ELOVL2: variants seen among roughly 807,000 people sequenced by gnomAD.
The protein encoded by ELOVL2 is very long chain fatty acid elongase 2.
A neutral mutation model predicts 37.7 loss-of-function variants in ELOVL2; 38 were observed. The observed-to-expected ratio is 1.01, with a 90% CI of 0.78 to 1.32. The LOEUF (loss-of-function observed/expected upper bound fraction) is 1.32, where lower values mean the gene tolerates loss of function less well. Ranked by LOEUF, ELOVL2 falls within the 40% of genes most tolerant of loss-of-function variation. The pLI is 0.00. For synonymous variants in ELOVL2, 115 were observed against 122.3 expected (o/e 0.94, Z 0.40); for missense variants, 352 against 363.6 (o/e 0.97, Z 0.26).
At chr6:10,993,370 A>C (rs185075171) in intron 5 of ELOVL2, among the ~76,000 whole-genome samples, 1 of 152,382 alleles carries the variant, frequency 6.6e-6, no homozygotes, top group Non-Finnish European at 1.5e-5. Context: ...AATGTTAAAC[A>C]GTGTTCTAAA....
intron 4 of ELOVL2, among the ~76,000 whole-genome samples, chr6:10,998,435 CCTCT>C (rs1782312481): frequency 6.6e-6 from 1 of 152,044 alleles, no homozygotes; most frequent in Non-Finnish European, 1.5e-5. Context: ...TAATTCTTTC[CCTCT>C]AATTTTTTTT....
At chr6:11,043,461 C>A in intron 1 of ELOVL2, 1 of 58,356 alleles carries the variant, frequency 1.7e-5, no homozygotes, top group Non-Finnish European at 2.8e-5. Context: ...TCATCGGACA[C>A]GGGTGAACAC....
At chr6:11,037,137 A>G (rs1306439291) in intron 1 of ELOVL2, among the ~76,000 whole-genome samples, 3 of 148,352 alleles carry the variant, frequency 2.0e-5, no homozygotes, top group Non-Finnish European at 3.0e-5. Context: ...ACAGAGAGGG[A>G]GAGAGAGACA....
At chr6:11,006,695 T>G (rs1441636479) in intron 2 of ELOVL2, among the ~76,000 whole-genome samples, 3 of 152,212 alleles carry the variant, frequency 2.0e-5, no homozygotes, top group Non-Finnish European at 4.4e-5. Flanking sequence ...ATCACTTATT[T>G]TATAAATATC....
intron 7 of ELOVL2, among the ~76,000 whole-genome samples, chr6:10,988,513 G>C (rs1174686772): frequency 6.6e-6 from 1 of 152,206 alleles, no homozygotes; most frequent in Non-Finnish European, 1.5e-5. Flanking sequence ...GTGTTGAGCC[G>C]AGACTGCGCC....
chr6:10,990,764 C>G (rs1458114042), intron 5 of ELOVL2, among the ~76,000 whole-genome samples: 2 of 151,892 alleles, frequency 1.3e-5, no homozygotes, highest in Admixed American at 6.6e-5. Context: ...AAAAGAAATA[C>G]TAGCTTAAAG....
intron 3 of ELOVL2, among the ~76,000 whole-genome samples, chr6:11,003,879 C>G (rs995193685): frequency 6.6e-6 from 1 of 151,548 alleles, no homozygotes; most frequent in African/African-American, 2.4e-5. Context: ...GTCAGGAGTT[C>G]GAGACCAGCC....
intron 7 of ELOVL2, among the ~76,000 whole-genome samples, chr6:10,985,387 T>C (rs1416340927): frequency 2.7e-5 from 4 of 149,292 alleles, no homozygotes; most frequent in Non-Finnish European, 1.5e-5. Flanking sequence ...TTGTCAATTT[T>C]GGCTTTTGTT....
chr6:10,983,716 C>A lies in ELOVL2; in HGVS notation c.*65G>T. On this transcript the variant is annotated 3_prime_UTR_variant, in exon 8 of 8. Coordinates refer to ENST00000354666, the MANE Select transcript of ELOVL2 (RefSeq NM_017770.4). ...ATCCTAAAACATGTAACCTTCAATTCAGTCTTTGCTTTAAAACAAGCCAAT... is the reference window on the plus strand; with the variant it reads ...ATCCTAAAACATGTAACCTTCAATTAAGTCTTTGCTTTAAAACAAGCCAAT... The A allele has an allele frequency of 1.3e-6, 2 of 1,498,228 alleles. No homozygotes were observed. Among genetic ancestry groups the A allele is most frequent in the South Asian group, 2.7e-5 (2 of 75,046 alleles). The allele number at this position is 1,498,228 out of a possible 1,614,324, so 92.8% of individuals were successfully genotyped here. A position where few individuals can be genotyped will look rare whatever the true frequency, so the allele number is the denominator to read the frequency against.
chr6:11,001,626 G>A (rs963762078), intron 3 of ELOVL2, among the ~76,000 whole-genome samples: 2 of 152,196 alleles, frequency 1.3e-5, no homozygotes, highest in African/African-American at 4.8e-5. Flanking sequence ...TCCTGACTGT[G>A]GAGAGGACAG....
At chr6:11,028,001 C>T (rs906614247) in intron 1 of ELOVL2, among the ~76,000 whole-genome samples, 1 of 152,124 alleles carries the variant, frequency 6.6e-6, no homozygotes, top group Admixed American at 6.5e-5. Flanking sequence ...CTCTGAACAT[C>T]GTATTTCTCT....
rs1781985043 is a variant in ELOVL2 at position 10,983,620 on chromosome 6, G to A, written c.*161C>T. ...TGCTGATCAAAGCATTCAGTTAACA[G>A]ATTAACCTAATAGCAATATATTAAT... On this transcript the variant is annotated 3_prime_UTR_variant, in exon 8 of 8. Transcript: ENST00000354666. The A allele has an allele frequency of 2.5e-6, 2 of 796,210 alleles. No homozygotes were observed. The allele number at this position is 796,210 out of a possible 1,614,324, so 49.3% of individuals were successfully genotyped here.
chr6:11,033,594 A>G (rs1371173219), intron 1 of ELOVL2, among the ~76,000 whole-genome samples: 1 of 152,214 alleles, frequency 6.6e-6, no homozygotes, highest in African/African-American at 2.4e-5. Context: ...TTTTCAAAAA[A>G]CATTCAGTTT....
intron 1 of ELOVL2, among the ~76,000 whole-genome samples, chr6:11,035,383 C>T (rs41513648): frequency 0.086 from 13,156 of 152,224 alleles, 1,718 homozygotes; most frequent in African/African-American, 0.28. Context: ...TAGGTCCGAC[C>T]TCACGTAGCC....
intron 1 of ELOVL2, among the ~76,000 whole-genome samples, chr6:11,035,775 T>C (rs1052037557): frequency 2.7e-4 from 41 of 152,224 alleles, no homozygotes; most frequent in African/African-American, 2.4e-5. Flanking sequence ...ACTTGTGAAG[T>C]ATGCTTGCAC....
Position 10,980,832 on chromosome 6 carries a change from G to C in ELOVL2, c.*2949C>G, listed in dbSNP as rs567731769. ...TTATCTACAAAGAGAAATGGCTTCT[G>C]CAGCCTCCCTGTCTACTCCATTCAT... On this transcript the variant is annotated 3_prime_UTR_variant, in exon 8 of 8. Transcript: ENST00000354666. 6.5e-6 allele frequency: 1 copy of C among 152,688 alleles called. No homozygotes were observed. The highest frequency in any genetic ancestry group is 2.1e-4 in the South Asian group (1 of 4,828). 9.5% of individuals were successfully genotyped at this position (152,688 alleles called of 1,614,324 possible).
intron 1 of ELOVL2, among the ~76,000 whole-genome samples, chr6:11,041,233 G>A (rs372052223): frequency 4.6e-5 from 7 of 152,198 alleles, no homozygotes; most frequent in African/African-American, 9.6e-5. Flanking sequence ...CAACCCAGAC[G>A]ATCATCCACC....
At chr6:11,033,334 C>A (rs1228954174) in intron 1 of ELOVL2, among the ~76,000 whole-genome samples, 2 of 152,140 alleles carry the variant, frequency 1.3e-5, no homozygotes, top group Non-Finnish European at 2.9e-5. Context: ...GAATCCAATA[C>A]ACTTAAGAGT....
At chr6:11,038,171 A>G (rs918666332) in intron 1 of ELOVL2, among the ~76,000 whole-genome samples, 3 of 152,200 alleles carry the variant, frequency 2.0e-5, no homozygotes, top group Non-Finnish European at 2.9e-5. Flanking sequence ...GCCTCTCACA[A>G]AAGTTTTTTT....
Sources: gnomAD v4.1 joint callset for allele counts (sites outside exome capture counted in the v4.1 genomes callset) on GRCh38, gnomAD v4.1.1 for gene constraint, MANE v1.5 for transcripts, NCBI Gene and HGNC (gene_info 2026-07-23, HGNC 2026-07-21) for gene names.